GPT2: variants seen among roughly 807,000 people sequenced by gnomAD.
GPT2 encodes alanine aminotransferase 2.
A neutral mutation model predicts 56.9 loss-of-function variants in GPT2; 30 were observed. The observed-to-expected ratio is 0.53, with a 90% CI of 0.39 to 0.72. GPT2 has a LOEUF of 0.72. GPT2 is among the 30% of genes least tolerant of loss of function. The pLI is 0.00. For missense variants in GPT2, 542 were observed against 703.4 expected (o/e 0.77, Z 2.60); for synonymous variants, 271 against 283.1 (o/e 0.96, Z 0.43).
At chr16:46,907,996 GC>G (rs1960969508) in intron 5 of GPT2, among the ~76,000 whole-genome samples, 2 of 150,048 alleles carry the variant, frequency 1.3e-5, no homozygotes, top group African/African-American at 4.9e-5. Flanking sequence ...GACTGGTAGA[GC>G]CTGCAGTCCT....
chr16:46,917,747 CACAG>C (rs1961198173), intron 7 of GPT2, among the ~76,000 whole-genome samples: 1 of 151,888 alleles, frequency 6.6e-6, no homozygotes, highest in Middle Eastern at 3.2e-3. Context: ...TACAGACACA[CACAG>C]ACACACGTAC....
intron 6 of GPT2, chr16:46,915,324 A>G (rs1237273292): frequency 1.3e-5 from 2 of 150,542 alleles, no homozygotes; most frequent in Non-Finnish European, 3.0e-5. Flanking sequence ...ACATAGACAC[A>G]TACTACAAAC....
chr16:46,905,152 G>A (rs1374066439), intron 4 of GPT2, among the ~76,000 whole-genome samples: 1 of 151,962 alleles, frequency 6.6e-6, no homozygotes, highest in African/African-American at 2.4e-5. Flanking sequence ...CACCTCCCGG[G>A]TTCAAGTGAT....
At chr16:46,902,448 C>T (rs1960837457) in intron 4 of GPT2, among the ~76,000 whole-genome samples, 1 of 152,130 alleles carries the variant, frequency 6.6e-6, no homozygotes, top group Non-Finnish European at 1.5e-5. Flanking sequence ...ACAGTGTGGT[C>T]CTTCGCGTGA....
intron 2 of GPT2, among the ~76,000 whole-genome samples, chr16:46,888,999 T>C (rs1322948848): frequency 6.6e-6 from 1 of 152,086 alleles, no homozygotes; most frequent in African/African-American, 2.4e-5. Context: ...TTGTTAATTA[T>C]AGCTGTTCAG....
chr16:46,919,809 A>G (rs1046860417), intron 8 of GPT2, among the ~76,000 whole-genome samples: 2 of 152,166 alleles, frequency 1.3e-5, no homozygotes, highest in African/African-American at 4.8e-5. Flanking sequence ...CCCAGGTGAG[A>G]TATCGTGCAC....
intron 10 of GPT2, among the ~76,000 whole-genome samples, chr16:46,926,326 G>T (rs906264568): frequency 6.6e-6 from 1 of 151,984 alleles, no homozygotes; most frequent in Admixed American, 6.6e-5. Flanking sequence ...GCACATGCCT[G>T]TAATTCCAGT....
chr16:46,909,652 C>T, intron 5 of GPT2, 32 bp from the exon 6 acceptor site: 3 of 1,602,060 alleles, frequency 1.9e-6, no homozygotes, highest in Non-Finnish European at 2.6e-6. Context: ...GGAAGTAGTG[C>T]TGGCTTTCTA....
At chr16:46,890,206 C>T (rs1345881288) in intron 2 of GPT2, among the ~76,000 whole-genome samples, 2 of 152,200 alleles carry the variant, frequency 1.3e-5, no homozygotes, top group African/African-American at 4.8e-5. Flanking sequence ...TGCTGAGCCT[C>T]AGCTGTGAAA....
chr16:46,886,322 C>T (rs1371494452), intron 2 of GPT2, among the ~76,000 whole-genome samples: 1 of 152,194 alleles, frequency 6.6e-6, no homozygotes, highest in African/African-American at 2.4e-5. Context: ...TGGTTTATCA[C>T]GTTACAGCTG....
At chr16:46,887,967 C>G (rs1960517451) in intron 2 of GPT2, among the ~76,000 whole-genome samples, 1 of 152,196 alleles carries the variant, frequency 6.6e-6, no homozygotes, top group South Asian at 2.1e-4. Context: ...CCTATCTTAG[C>G]TTTTCAGATC....
chr16:46,926,606 TCAGAGGATTATG>T (rs1423768251), intron 10 of GPT2, among the ~76,000 whole-genome samples: 4 of 152,188 alleles, frequency 2.6e-5, no homozygotes, highest in Non-Finnish European at 1.5e-5. Context: ...GGCCCCATTT[TCAGAGGATTATG>T]CAGCTTGACC....
chr16:46,919,722 G>A (rs769001002), intron 8 of GPT2, among the ~76,000 whole-genome samples: 2 of 152,198 alleles, frequency 1.3e-5, no homozygotes, highest in Non-Finnish European at 2.9e-5. Context: ...GTGTGGCCTT[G>A]CTTAGCTGGT....
intron 2 of GPT2, among the ~76,000 whole-genome samples, chr16:46,890,142 C>A (rs1280963806): frequency 6.6e-6 from 1 of 152,190 alleles, no homozygotes; most frequent in Non-Finnish European, 1.5e-5. Context: ...TGTGTAGCTG[C>A]AGCTCCGGTT....
Position 46,900,784 on chromosome 16 carries a change from A to G in GPT2, c.436A>G (p.Ser146Gly). The change falls in exon 4 of 12, where the codon AGC becomes GGC. Residue 146 changes from serine to glycine, a missense_variant. Coordinates refer to ENST00000340124, the MANE Select transcript of GPT2 (RefSeq NM_133443.4). ...RRILQACGGNSLGSYSASQGV... is the reference protein window; with the variant it reads ...RRILQACGGNGLGSYSASQGV... ...GATCCTGCAGGCTTGTGGCGGGAAC[A>G]GCCTGGGTGAGGCCCCAACTTGCCA... 6.2e-7 allele frequency: 1 copy of G among 1,613,770 alleles called. No homozygotes were observed. The highest frequency in any genetic ancestry group is 1.3e-5 in the African/African-American group (1 of 75,042).
At chr16:46,923,713 A>G in intron 9 of GPT2, 1 of 155,344 alleles carries the variant, frequency 6.4e-6, no homozygotes, top group South Asian at 1.9e-4. Context: ...CGCCCAGCTC[A>G]GGCCCAGTCA....
At chr16:46,900,494 C>G (rs1383580432) in intron 3 of GPT2, among the ~76,000 whole-genome samples, 188 bp from the exon 4 acceptor site, 1 of 152,202 alleles carries the variant, frequency 6.6e-6, no homozygotes, top group Non-Finnish European at 1.5e-5. Context: ...CTCAACTTCT[C>G]CCCTTCTGCT....
chr16:46,898,139 G>C (rs1960720266), intron 3 of GPT2, among the ~76,000 whole-genome samples: 1 of 152,214 alleles, frequency 6.6e-6, no homozygotes, highest in Admixed American at 6.5e-5. Context: ...CTGGGTGTGA[G>C]TGTGGGCTCT....
intron 3 of GPT2, among the ~76,000 whole-genome samples, chr16:46,897,947 G>A (rs968566218): frequency 6.6e-6 from 1 of 152,228 alleles, no homozygotes; most frequent in Admixed American, 6.5e-5. Flanking sequence ...AGCCTCCCAG[G>A]GAGACTCTTC....
Sources: allele counts gnomAD v4.1 joint callset (sites outside exome capture counted in the v4.1 genomes callset), GRCh38; gene constraint gnomAD v4.1.1; transcripts MANE v1.5; gene names NCBI Gene and HGNC (gene_info 2026-07-23, HGNC 2026-07-21).